The following TSPAN10 variants were observed in gnomAD, a reference collection of about 807,000 sequenced individuals.
TSPAN10 encodes tetraspanin-10.
TSPAN10 carries 11 observed loss-of-function variants against 15.0 expected under a neutral mutation model. The observed-to-expected ratio is 0.73, with a 90% CI of 0.46 to 1.21. TSPAN10 has a LOEUF of 1.21. TSPAN10 is among the 50% of genes most tolerant of loss of function. The pLI is 0.00. For missense variants in TSPAN10, 486 were observed against 470.6 expected, an observed-to-expected ratio of 1.03 and a Z score of -0.30; for synonymous variants, 241 against 226.2, an observed-to-expected ratio of 1.07 and a Z score of -0.59.
exon 3 of TSPAN10, chr17:81,648,191 G>C: frequency 7.1e-7 from 1 of 1,400,554 alleles, no homozygotes; most frequent in Non-Finnish European, 9.2e-7. Flanking sequence ...CTCGCTGCCC[G>C]CAGGGGGGCG....
chr17:81,641,094 G>A (rs1193364434), upstream of TSPAN10, among the ~76,000 whole-genome samples: 1 of 152,046 alleles, frequency 6.6e-6, no homozygotes, highest in Non-Finnish European at 1.5e-5. Flanking sequence ...GAACCCAGGA[G>A]GCAGAGGTTG....
At chr17:81,648,224 G>C in exon 3 of TSPAN10, 1 of 1,287,158 alleles carries the variant, frequency 7.8e-7, no homozygotes, top group Non-Finnish European at 9.8e-7. Flanking sequence ...GGAGCGCGCG[G>C]GGAGGACCGC....
chr17:81,645,455 C>T (rs901394861), exon 2 of TSPAN10: 2 of 1,590,254 alleles, frequency 1.3e-6, no homozygotes, highest in Non-Finnish European at 8.5e-7. Flanking sequence ...GAGGCCGTGG[C>T]GGGGGCCCTG....
rs1598709149 is a variant in TSPAN10, at chr17:81,642,586, AG to A, written c.36+144del. The A allele has an allele frequency of 9.2e-5, 81 of 883,218 alleles. No homozygotes were observed. The East Asian group carries it at 1.9e-3, about 21-fold the overall frequency. The allele number at this position is 883,218 out of a possible 1,614,324, so 54.7% of individuals were successfully genotyped here. A position where few individuals can be genotyped will look rare whatever the true frequency, so the allele number is the denominator to read the frequency against. Reference sequence around the variant, plus strand: ...ACACCTCAATGCTGAGATTGGGTTGAGGGGGGTGGTTCTAGGCAGCCCCCTC... The same window carrying A: ...ACACCTCAATGCTGAGATTGGGTTGAGGGGGTGGTTCTAGGCAGCCCCCTC... On this transcript the variant is annotated intron_variant, in intron 1 of 2. Coordinates refer to ENST00000611590, the Ensembl canonical transcript of TSPAN10.
upstream of TSPAN10, chr17:81,637,640 A>G (rs1331222230): frequency 2.1e-6 from 1 of 468,946 alleles, no homozygotes; most frequent in African/African-American, 2.0e-5. Context: ...CTCTACTCAA[A>G]ATACAAAATT....
intron 2 of TSPAN10, among the ~76,000 whole-genome samples, chr17:81,646,781 G>A (rs928808970): frequency 3.3e-5 from 5 of 151,974 alleles, no homozygotes; most frequent in South Asian, 2.1e-4. Flanking sequence ...ATTAAACGCC[G>A]TGCATTTAGG....
rs767796794 is a variant in TSPAN10 at position 81,648,029 on chromosome 17, A to G, written c.803A>G (p.Asp268Gly). 5.0e-6 allele frequency: 8 copies of G among 1,603,946 alleles called. No homozygotes were observed. The African/African-American group carries it at 1.1e-4, about 21-fold the overall frequency. ...TTCGGGGTCCTGCGCCTGGATGCGG[A>G]CGCAGCTCAGAGAGTGGTGTACCTG... The change falls in exon 3 of 3, where the codon GAC (aspartate) becomes GGC (glycine). Residue 268 changes from aspartate (D) to glycine (G), a missense_variant. Asp to Gly is a moderately conservative substitution (Grantham distance 94, BLOSUM62 -1). Transcript: ENST00000611590.
upstream of TSPAN10, among the ~76,000 whole-genome samples, chr17:81,641,387 C>A (rs1439455218): frequency 6.6e-6 from 1 of 152,122 alleles, no homozygotes; most frequent in African/African-American, 2.4e-5. Flanking sequence ...CGAGGAAGAT[C>A]TGAAGACTCA....
In TSPAN10 at chr17:81,644,947, A is replaced by C. The variant is rs2036223004; in HGVS notation, c.37-45A>C. 4.4e-6 allele frequency: 7 copies of C among 1,601,442 alleles called. No individual in the cohort carries two copies. In the East Asian group the frequency reaches 1.6e-4, roughly 36 times the overall value. On this transcript the variant is annotated intron_variant, in intron 1 of 2. Transcript: ENST00000611590. ...CCTGACCCCTCACCAGTTGTCACAG[A>C]GTCTGGGTGAATGCGGTCTCACCCT...
intron 1 of TSPAN10, 118 bp downstream of exon 2, chr17:81,642,566 T>A: frequency 9.7e-7 from 1 of 1,029,466 alleles, no homozygotes; most frequent in Non-Finnish European, 1.4e-6. Flanking sequence ...ACCCCACACC[T>A]CAATGCTGAG....
intron 2 of TSPAN10, 171 bp downstream of exon 3, chr17:81,645,800 T>A (rs1394092751): frequency 1.2e-6 from 1 of 854,220 alleles, no homozygotes; most frequent in African/African-American, 1.7e-5. Context: ...CGTCTCGTGC[T>A]CACAGGTTTC....
At chr17:81,647,718 G>T in intron 2 of TSPAN10, 183 bp from the exon 4 acceptor site, 2 of 670,288 alleles carry the variant, frequency 3.0e-6, no homozygotes, top group South Asian at 3.6e-5. Flanking sequence ...ACGTTATAGA[G>T]AGCCAGGTGC....
upstream of TSPAN10, chr17:81,637,449 A>C (rs2036118193): frequency 3.1e-6 from 2 of 636,438 alleles, no homozygotes; most frequent in Non-Finnish European, 5.5e-6. Flanking sequence ...TCACACCTTC[A>C]TGTTTTTTTT....
At chr17:81,642,323 A>G (rs1471890909), upstream of TSPAN10, 8 of 1,501,680 alleles carry the variant, frequency 5.3e-6, no homozygotes, top group Non-Finnish European at 6.5e-6. Context: ...CCAGGGCCGC[A>G]GTCAGGACCA....
chr17:81,645,709 A>C, intron 2 of TSPAN10, 80 bp downstream of exon 3: 2 of 1,535,330 alleles, frequency 1.3e-6, no homozygotes, highest in African/African-American at 2.7e-5. Context: ...ACACACAGTC[A>C]CTCACACGTA....
At chr17:81,648,522 C>A, downstream of TSPAN10, 1 of 347,790 alleles carries the variant, frequency 2.9e-6, no homozygotes, top group Non-Finnish European at 4.9e-6. Flanking sequence ...GAGGAGCACG[C>A]GGGGCCGGAG....
At chr17:81,642,873 C>T (rs974877452) in intron 1 of TSPAN10, among the ~76,000 whole-genome samples, 2 of 152,108 alleles carry the variant, frequency 1.3e-5, no homozygotes, top group South Asian at 2.1e-4. Flanking sequence ...CCTCTGGGGC[C>T]GGGCACAGTG....
upstream of TSPAN10, among the ~76,000 whole-genome samples, chr17:81,642,050 A>G (rs1375419294): frequency 6.7e-6 from 1 of 148,820 alleles, no homozygotes; most frequent in Non-Finnish European, 1.5e-5. Context: ...GCGGCTGCTG[A>G]CCCTGCAGAG....
Position 81,643,234 on chromosome 17 carries a change from G to A in TSPAN10, c.36+786G>A, listed in dbSNP as rs535591697. Among the ~76,000 whole-genome samples, 676 of 149,992 alleles carry A rather than the reference G, an allele frequency of 4.5e-3. 8 individuals are homozygous for A. Among genetic ancestry groups the A allele is most frequent in the African/African-American group, 0.015 (627 of 41,260 alleles). On this transcript the variant is annotated intron_variant, in intron 1 of 2. Coordinates refer to ENST00000611590, the Ensembl canonical transcript of TSPAN10. ...AGGATGGTCTCGATCTCCTGACCTC[G>A]TGATCCACCCGCCTCGGCCTCCCAA...
Sources: allele counts gnomAD v4.1 joint callset (sites outside exome capture counted in the v4.1 genomes callset), GRCh38; gene constraint gnomAD v4.1.1; transcripts MANE v1.5; gene names NCBI Gene and HGNC (gene_info 2026-07-23, HGNC 2026-07-21).